GPC5: variants seen among roughly 807,000 people sequenced by gnomAD.
GPC5 encodes the protein glypican-5.
Under a neutral mutation model 53.9 loss-of-function variants are expected in GPC5, and 47 were observed. That is an observed-to-expected ratio of 0.87 (90% CI 0.69 to 1.11). The LOEUF is 1.11. Ranked by LOEUF, GPC5 falls within the 50% of genes most tolerant of loss-of-function variation. The pLI, the probability that GPC5 is intolerant of heterozygous loss-of-function variation, is 0.00. For missense variants in GPC5, 748 were observed against 713.1 expected (o/e 1.05, Z -0.56); for synonymous variants, 286 against 263.3 (o/e 1.09, Z -0.84).
At chr13:92,494,753 C>A (rs1361641222) in intron 7 of GPC5, among the ~76,000 whole-genome samples, 5 of 152,132 alleles carry the variant, frequency 3.3e-5, no homozygotes, top group Non-Finnish European at 7.4e-5. Flanking sequence ...GTTACAGTAA[C>A]ATTACTGAAT....
chr13:91,594,820 AG>A (rs1287308477), intron 2 of GPC5, among the ~76,000 whole-genome samples: 2 of 151,808 alleles, frequency 1.3e-5, no homozygotes, highest in Admixed American at 1.3e-4. Flanking sequence ...CTGGGACTAG[AG>A]GGCATACCAC....
chr13:92,122,600 T>C (rs985315125), intron 6 of GPC5, among the ~76,000 whole-genome samples: 1 of 149,512 alleles, frequency 6.7e-6, no homozygotes, highest in African/African-American at 2.4e-5. Flanking sequence ...TAGGCAGTTT[T>C]CTTGCTATAA....
At chr13:91,815,988 A>G (rs1277168789) in intron 5 of GPC5, among the ~76,000 whole-genome samples, 1 of 152,128 alleles carries the variant, frequency 6.6e-6, no homozygotes, top group African/African-American at 2.4e-5. Flanking sequence ...AGGAGAGCAA[A>G]GGAGTATAAC....
chr13:92,559,919 C>G (rs1370616837), intron 7 of GPC5, among the ~76,000 whole-genome samples: 1 of 151,040 alleles, frequency 6.6e-6, no homozygotes, highest in Non-Finnish European at 1.5e-5. Flanking sequence ...CTCCCTGTCC[C>G]CTCTCTTCAG....
At chr13:91,472,230 T>C (rs612573) in intron 2 of GPC5, among the ~76,000 whole-genome samples, 75,330 of 151,930 alleles carry the variant, frequency 0.5, 19,818 homozygotes, top group Non-Finnish European at 0.6. Context: ...GTTAATGTGA[T>C]TTTTGTTTTT....
At chr13:92,422,057 CT>C (rs1173474909) in intron 7 of GPC5, among the ~76,000 whole-genome samples, 2 of 152,172 alleles carry the variant, frequency 1.3e-5, no homozygotes, top group East Asian at 3.9e-4. Flanking sequence ...ATGTTTTTGT[CT>C]CTCCAAGGCT....
At chr13:92,801,945 GGTT>G (rs1803254866) in intron 7 of GPC5, among the ~76,000 whole-genome samples, 2 of 151,784 alleles carry the variant, frequency 1.3e-5, no homozygotes, top group South Asian at 4.2e-4. Context: ...AGTAAGCTAT[GGTT>G]ATTATTGAAG....
At chr13:91,430,849 A>G (rs1167516652) in intron 1 of GPC5, among the ~76,000 whole-genome samples, 2 of 152,082 alleles carry the variant, frequency 1.3e-5, no homozygotes, top group Admixed American at 6.6e-5. Context: ...GTTCCCTATT[A>G]TAGAGCTGGT....
chr13:92,134,021 C>T (rs1375179347), intron 6 of GPC5, among the ~76,000 whole-genome samples: 1 of 152,050 alleles, frequency 6.6e-6, no homozygotes, highest in African/African-American at 2.4e-5. Context: ...CTGGGAAATG[C>T]ATGCAAAATT....
chr13:92,715,214 T>C (rs1170861289), intron 7 of GPC5, among the ~76,000 whole-genome samples: 1 of 152,218 alleles, frequency 6.6e-6, no homozygotes, highest in Admixed American at 6.5e-5. Context: ...CACAGGTTCC[T>C]GAAAAAAGAC....
chr13:91,400,320 C>T (rs1876839359), intron 1 of GPC5, among the ~76,000 whole-genome samples: 1 of 152,148 alleles, frequency 6.6e-6, no homozygotes, highest in East Asian at 1.9e-4. Flanking sequence ...AATTTTAAGT[C>T]ATCCCAGAAA....
intron 6 of GPC5, among the ~76,000 whole-genome samples, chr13:92,102,523 T>A (rs2041475419): frequency 6.6e-6 from 1 of 152,090 alleles, no homozygotes; most frequent in African/African-American, 2.4e-5. Context: ...AGACAATGTT[T>A]CTCCTAAGAT....
intron 1 of GPC5, among the ~76,000 whole-genome samples, chr13:91,424,493 T>A (rs889616662): frequency 6.6e-6 from 1 of 151,196 alleles, no homozygotes; most frequent in Non-Finnish European, 1.5e-5. Context: ...GCCTCCCGAG[T>A]AGCTGGGATT....
At chr13:91,911,937 G>A (rs887000803) in intron 6 of GPC5, among the ~76,000 whole-genome samples, 2 of 152,178 alleles carry the variant, frequency 1.3e-5, no homozygotes, top group African/African-American at 4.8e-5. Flanking sequence ...TTTGTTAAAT[G>A]TGAGATGCTT....
chr13:91,582,370 A>C (rs575669567), intron 2 of GPC5, among the ~76,000 whole-genome samples: 87 of 152,328 alleles, frequency 5.7e-4, no homozygotes, highest in African/African-American at 1.8e-3. Flanking sequence ...GCTTCAAGTT[A>C]TCTCTTTAAT....
chr13:91,431,276 A>G (rs1879426295), intron 1 of GPC5, among the ~76,000 whole-genome samples: 1 of 152,182 alleles, frequency 6.6e-6, no homozygotes, highest in South Asian at 2.1e-4. Context: ...TTCTGTACTC[A>G]AAACCACTCT....
chr13:92,520,398 G>T (rs1880993083), intron 7 of GPC5, among the ~76,000 whole-genome samples: 1 of 152,082 alleles, frequency 6.6e-6, no homozygotes, highest in African/African-American at 2.4e-5. Context: ...CTGGCAAACT[G>T]AATCCAGAAG....
rs539922791 is a variant in GPC5 at position 91,931,666 on chromosome 13, A to G, written c.1401+23609A>G. Among the ~76,000 whole-genome samples the G allele has an allele frequency of 3.9e-5, 6 of 152,064 alleles. No homozygotes were observed. In the South Asian group the frequency reaches 1.0e-3, roughly 26 times the overall value. On this transcript the variant is annotated intron_variant, in intron 6 of 7. Transcript: ENST00000377067. ...AATGTCAGTCAGAATAAACTCCTCT[A>G]TCCTTAACCTATGACACGCATTGCA... is the stretch of plus-strand genomic sequence containing the variant.
intron 6 of GPC5, among the ~76,000 whole-genome samples, chr13:92,119,404 T>TTTTG (rs2041628121): frequency 7.7e-6 from 1 of 129,452 alleles, no homozygotes; most frequent in Non-Finnish European, 1.6e-5. Context: ...TTTTTTTTTT[T>TTTTG]TTTTTTTTTT....
Sources: gnomAD v4.1 joint callset for allele counts (sites outside exome capture counted in the v4.1 genomes callset) on GRCh38, gnomAD v4.1.1 for gene constraint, MANE v1.5 for transcripts, NCBI Gene and HGNC (gene_info 2026-07-23, HGNC 2026-07-21) for gene names.